The following RSF1 variants were observed in gnomAD, a reference collection of about 807,000 sequenced individuals.
The protein encoded by RSF1 is HBV pX-associated protein 8.
Under a neutral mutation model 145.2 loss-of-function variants are expected in RSF1, and 13 were observed. That is an observed-to-expected ratio of 0.09 (90% CI 0.06 to 0.14). The LOEUF (loss-of-function observed/expected upper bound fraction) is 0.14, where lower values mean the gene tolerates loss of function less well. Ranked by LOEUF, RSF1 falls within the 10% of genes least tolerant of loss-of-function variation. RSF1 has a pLI of 1.00. For missense variants in RSF1, 1,517 were observed against 1,718.2 expected, an observed-to-expected ratio of 0.88 and a Z score of 2.07; for synonymous variants, 577 against 592.6, an observed-to-expected ratio of 0.97 and a Z score of 0.38.
At chr11:77,780,407 C>T (rs1180669639) in intron 1 of RSF1, among the ~76,000 whole-genome samples, 2 of 152,192 alleles carry the variant, frequency 1.3e-5, no homozygotes, top group African/African-American at 4.8e-5. Flanking sequence ...TCCATGCCAT[C>T]AACTTACAGG....
intron 11 of RSF1, among the ~76,000 whole-genome samples, chr11:77,679,036 C>CT (rs1198860513): frequency 6.6e-6 from 1 of 152,190 alleles, no homozygotes; most frequent in Non-Finnish European, 1.5e-5. Context: ...ATATTTTAGG[C>CT]TTTTCAGACA....
rs115463274 is a variant in RSF1, at chr11:77,736,434, C to T, written c.578+4297G>A. On this transcript the variant is annotated intron_variant, in intron 4 of 15. Coordinates refer to ENST00000308488, the MANE Select transcript of RSF1 (RefSeq NM_016578.4). Reference sequence around the variant, plus strand: ...AGAGTCTGCCATTCAAACAGAAATACCATGCTCCAGGTATGATCTCATCCA... The same window carrying T: ...AGAGTCTGCCATTCAAACAGAAATATCATGCTCCAGGTATGATCTCATCCA... Among the ~76,000 whole-genome samples the T allele has an allele frequency of 2.9e-3, 437 of 152,288 alleles. 5 individuals are homozygous for T. The highest frequency in any genetic ancestry group is 0.01 in the African/African-American group (420 of 41,572).
chr11:77,677,099 CTTCAT>C, intron 12 of RSF1, 100 bp from the exon 13 acceptor site: 1 of 854,696 alleles, frequency 1.2e-6, no homozygotes, highest in Non-Finnish European at 1.8e-6. Flanking sequence ...CTTAGCAGCT[CTTCAT>C]TTCTTTATTT....
chr11:77,749,123 G>C (rs1193901439), intron 2 of RSF1, among the ~76,000 whole-genome samples: 1 of 152,212 alleles, frequency 6.6e-6, no homozygotes, highest in East Asian at 1.9e-4. Flanking sequence ...ACAGATAAAA[G>C]TAGATTAGCA....
chr11:77,768,923 T>A (rs748869156), intron 1 of RSF1, among the ~76,000 whole-genome samples: 3 of 152,230 alleles, frequency 2.0e-5, no homozygotes, highest in Non-Finnish European at 4.4e-5. Context: ...TAGCCACATG[T>A]GTCTACTGAG....
At chr11:77,814,890 G>GT (rs111773958) in intron 1 of RSF1, among the ~76,000 whole-genome samples, 19,531 of 151,812 alleles carry the variant, frequency 0.13, 1,427 homozygotes, top group Admixed American at 0.19. Flanking sequence ...CCAAAATATG[G>GT]TTTTTTTTTA....
chr11:77,770,093 A>G (rs949758017), intron 1 of RSF1, among the ~76,000 whole-genome samples: 1 of 152,200 alleles, frequency 6.6e-6, no homozygotes, highest in African/African-American at 2.4e-5. Flanking sequence ...CATTTAATCA[A>G]TCATCCTAGT....
intron 1 of RSF1, among the ~76,000 whole-genome samples, chr11:77,799,051 A>C (rs1948601571): frequency 1.3e-5 from 2 of 152,042 alleles, no homozygotes; most frequent in South Asian, 2.1e-4. Flanking sequence ...AAAAAGCTAC[A>C]CGCAGAAAAA....
chr11:77,844,689 T>C, the RSF1 span, among the ~76,000 whole-genome samples: 2 of 152,136 alleles, frequency 1.3e-5, no homozygotes, highest in South Asian at 4.1e-4. Flanking sequence ...CGTTTATTCA[T>C]TGGGTATTTG....
At chr11:77,674,246 C>A (rs1042478584) in intron 14 of RSF1, among the ~76,000 whole-genome samples, 1 of 152,164 alleles carries the variant, frequency 6.6e-6, no homozygotes, top group Non-Finnish European at 1.5e-5. Flanking sequence ...GTCTGATACT[C>A]ATATCTATGG....
rs745721912 is a variant in RSF1, at chr11:77,701,894, T to G, written c.1335A>C (p.Glu445Asp). The G allele has an allele frequency of 6.2e-7, 1 of 1,614,008 alleles. No homozygotes were observed. Among genetic ancestry groups the G allele is most frequent in the South Asian group, 1.1e-5 (1 of 91,050 alleles). The change falls in exon 6 of 16, where the codon GAA becomes GAC. Residue 445 changes from glutamate (E) to aspartate (D), a missense_variant. By Grantham distance (45) the Glu-to-Asp change is conservative. This residue lies in a region of RSF1 where 579 missense variants were observed against 553.5 expected (regional missense o/e 1.05). Transcript: ENST00000308488. ...TTGGAGCTACCCTTTCATCACTAAC[T>G]TCTCCATTTACCAGCTGTTTCCCTT... is the stretch of plus-strand genomic sequence containing the variant. Reference protein sequence around the residue: ...GHEGKQLVNGEVSDERVAPNF... With the variant: ...GHEGKQLVNGDVSDERVAPNF...
chr11:77,825,916 T>C, the RSF1 span, among the ~76,000 whole-genome samples: 11 of 152,208 alleles, frequency 7.2e-5, no homozygotes, highest in African/African-American at 2.6e-4. Context: ...GGTCTCAAAC[T>C]CCTGACCTCA....
the RSF1 span, among the ~76,000 whole-genome samples, chr11:77,864,881 G>A: frequency 6.6e-6 from 1 of 152,168 alleles, no homozygotes; most frequent in African/African-American, 2.4e-5. Context: ...GGAGGCTGAG[G>A]TGGGAGGATC....
intron 10 of RSF1, among the ~76,000 whole-genome samples, chr11:77,684,453 A>G (rs1242763624): frequency 6.6e-6 from 1 of 152,180 alleles, no homozygotes; most frequent in East Asian, 1.9e-4. Flanking sequence ...TTAAAAATCA[A>G]ATCTCCCCAA....
intron 5 of RSF1, among the ~76,000 whole-genome samples, chr11:77,720,129 A>C (rs933934108): frequency 2.0e-5 from 3 of 152,244 alleles, no homozygotes; most frequent in Non-Finnish European, 2.9e-5. Flanking sequence ...TTAAAAACAA[A>C]GCAGCACTGT....
At chr11:77,736,755 C>T (rs780285724) in intron 4 of RSF1, among the ~76,000 whole-genome samples, 73 of 152,152 alleles carry the variant, frequency 4.8e-4, no homozygotes, top group Non-Finnish European at 6.0e-4. Context: ...AGAAAATACG[C>T]ATATAATATT....
the RSF1 span, among the ~76,000 whole-genome samples, chr11:77,865,815 T>C: frequency 1.3e-5 from 2 of 152,248 alleles, no homozygotes; most frequent in South Asian, 4.1e-4. Flanking sequence ...TCCTCTATAA[T>C]CTTACATATC....
chr11:77,829,635 C>T, the RSF1 span: 1 of 152,096 alleles, frequency 6.6e-6, no homozygotes, highest in African/African-American at 2.4e-5. Flanking sequence ...ATTTGTGAGA[C>T]CTGAAACTAA....
intron 7 of RSF1, among the ~76,000 whole-genome samples, chr11:77,696,106 G>A (rs890320969): frequency 2.6e-5 from 4 of 152,130 alleles, no homozygotes; most frequent in Non-Finnish European, 5.9e-5. Context: ...GGCACATGTG[G>A]ACTAACCTGG....
Sources: allele counts gnomAD v4.1 joint callset (sites outside exome capture counted in the v4.1 genomes callset), GRCh38; gene constraint gnomAD v4.1.1; regional missense constraint gnomAD v4.1.1; transcripts MANE v1.5; gene names NCBI Gene and HGNC (gene_info 2026-07-23, HGNC 2026-07-21).